The following GRM7 variants were observed in gnomAD, a reference collection of about 807,000 sequenced individuals.
GRM7 encodes glutamate metabotropic receptor 7.
A neutral mutation model predicts 84.5 loss-of-function variants in GRM7; 35 were observed. The ratio of observed to expected loss-of-function variants is 0.41; its 90% CI spans 0.32 to 0.55. GRM7 has a LOEUF of 0.55. Ranked by LOEUF, GRM7 falls within the 20% of genes least tolerant of loss-of-function variation. The pLI is 0.19. For synonymous variants in GRM7, 487 were observed against 455.1 expected, an observed-to-expected ratio of 1.07 and a Z score of -0.89; for missense variants, 1,003 against 1,194.6, an observed-to-expected ratio of 0.84 and a Z score of 2.36.
At chr3:7,571,091 T>G (rs4358287) in intron 7 of GRM7, among the ~76,000 whole-genome samples, 6 of 151,864 alleles carry the variant, frequency 4.0e-5, no homozygotes, top group African/African-American at 1.5e-4. Flanking sequence ...CTGTCCCTGG[T>G]CCATGAAACC....
intron 1 of GRM7, among the ~76,000 whole-genome samples, chr3:6,947,880 T>G (rs889313644): frequency 7.9e-5 from 12 of 152,208 alleles, no homozygotes; most frequent in African/African-American, 2.9e-4. Flanking sequence ...AGTCTGTATT[T>G]CTGTGAGATT....
intron 1 of GRM7, among the ~76,000 whole-genome samples, chr3:6,950,378 G>T (rs1213857823): frequency 1.3e-5 from 2 of 152,136 alleles, no homozygotes; most frequent in African/African-American, 2.4e-5. Context: ...GTGGATATTG[G>T]TGAACTGCAA....
intron 7 of GRM7, among the ~76,000 whole-genome samples, chr3:7,553,563 G>T (rs542119206): frequency 6.6e-6 from 1 of 152,258 alleles, no homozygotes; most frequent in East Asian, 1.9e-4. Flanking sequence ...CAGCATGGCT[G>T]GGGAGGCCTC....
At chr3:7,381,808 G>T (rs1212088591) in intron 4 of GRM7, among the ~76,000 whole-genome samples, 1 of 152,028 alleles carries the variant, frequency 6.6e-6, no homozygotes, top group Admixed American at 6.6e-5. Context: ...CTATCAATGT[G>T]ATCTTAAAGT....
intron 7 of GRM7, among the ~76,000 whole-genome samples, chr3:7,554,686 CA>C (rs1267078615): frequency 2.0e-5 from 3 of 152,134 alleles, no homozygotes; most frequent in Non-Finnish European, 4.4e-5. Flanking sequence ...TCCTGGGCTC[CA>C]TTCAGTCTTT....
chr3:7,537,767 T>C (rs1323473155), intron 7 of GRM7, among the ~76,000 whole-genome samples: 2 of 152,174 alleles, frequency 1.3e-5, no homozygotes, highest in East Asian at 3.9e-4. Context: ...CTGAGTGTTT[T>C]AGTGTAGATT....
intron 1 of GRM7, among the ~76,000 whole-genome samples, chr3:7,068,057 A>G (rs1233660310): frequency 2.0e-5 from 3 of 152,020 alleles, no homozygotes; most frequent in African/African-American, 7.2e-5. Flanking sequence ...CTTCGTGTAT[A>G]AAGATATTCC....
chr3:7,123,704 C>T (rs928980077), intron 1 of GRM7, among the ~76,000 whole-genome samples: 1 of 152,162 alleles, frequency 6.6e-6, no homozygotes, highest in African/African-American at 2.4e-5. Flanking sequence ...CTGCTTACTC[C>T]AATGGGGGCT....
chr3:7,524,672 G>T lies in GRM7; in HGVS notation c.1516-53750G>T, dbSNP rs1406291770. 5.7e-5 allele frequency among the ~76,000 whole-genome samples: 5 copies of T among 86,976 alleles called. 2 individuals carry two copies. Among genetic ancestry groups the T allele is most frequent in the African/African-American group, 1.5e-4 (2 of 13,738 alleles). 57.1% of individuals were successfully genotyped at this position (86,976 alleles called of 152,430 possible). A position where few individuals can be genotyped will look rare whatever the true frequency, so the allele number is the denominator to read the frequency against. ...ACACTTTGACACTGTTGGTGGGACT[G>T]TGAACTAGTTCAACCATTGTGGAAG... On this transcript the variant is annotated intron_variant, in intron 7 of 9. Transcript: ENST00000357716.
intron 2 of GRM7, among the ~76,000 whole-genome samples, chr3:7,283,327 A>G (rs1191876651): frequency 6.6e-6 from 1 of 152,132 alleles, no homozygotes; most frequent in East Asian, 1.9e-4. Flanking sequence ...TTTAAGTTAG[A>G]TAATGCGTAT....
chr3:7,071,142 G>T (rs1050896137), intron 1 of GRM7, among the ~76,000 whole-genome samples: 1 of 151,982 alleles, frequency 6.6e-6, no homozygotes, highest in Admixed American at 6.6e-5. Flanking sequence ...ATCAGGGGAT[G>T]GTGGCTTTCT....
At chr3:7,470,905 A>G (rs1333229020) in intron 7 of GRM7, among the ~76,000 whole-genome samples, 1 of 151,976 alleles carries the variant, frequency 6.6e-6, no homozygotes, top group Non-Finnish European at 1.5e-5. Context: ...TCAAATGAAA[A>G]TACAGGAAGT....
intron 7 of GRM7, among the ~76,000 whole-genome samples, chr3:7,554,129 T>A (rs1693636194): frequency 6.6e-6 from 1 of 152,194 alleles, no homozygotes. Context: ...GAAACATAAT[T>A]TGGTCCTGCA....
At chr3:7,047,606 T>G (rs990575959) in intron 1 of GRM7, among the ~76,000 whole-genome samples, 1 of 152,078 alleles carries the variant, frequency 6.6e-6, no homozygotes, top group African/African-American at 2.4e-5. Context: ...AATGGATAAG[T>G]GGTCCCTATT....
At chr3:7,437,189 A>G (rs1250910443) in intron 5 of GRM7, among the ~76,000 whole-genome samples, 1 of 152,164 alleles carries the variant, frequency 6.6e-6, no homozygotes, top group African/African-American at 2.4e-5. Flanking sequence ...TTTATTTCCT[A>G]TTTTTAAAAG....
At chr3:7,610,862 T>G (rs1696818855) in intron 8 of GRM7, among the ~76,000 whole-genome samples, 1 of 152,188 alleles carries the variant, frequency 6.6e-6, no homozygotes, top group Admixed American at 6.5e-5. Flanking sequence ...CAGGATGTGG[T>G]TAGCGAAAAC....
intron 1 of GRM7, among the ~76,000 whole-genome samples, chr3:7,120,316 A>G (rs886692800): frequency 1.3e-5 from 2 of 152,112 alleles, no homozygotes; most frequent in Non-Finnish European, 2.9e-5. Context: ...ACTAGATGTA[A>G]TTGTGAAACT....
chr3:7,610,015 T>C (rs1696774651), intron 8 of GRM7, among the ~76,000 whole-genome samples: 1 of 152,176 alleles, frequency 6.6e-6, no homozygotes, highest in African/African-American at 2.4e-5. Flanking sequence ...CAGACTTGAG[T>C]GCCTTCCTAT....
chr3:7,152,668 C>G (rs971557540), intron 2 of GRM7, among the ~76,000 whole-genome samples: 4 of 152,184 alleles, frequency 2.6e-5, no homozygotes, highest in African/African-American at 9.6e-5. Flanking sequence ...GGAGAAAGCT[C>G]TCTCTTACTC....
Sources: allele counts gnomAD v4.1 joint callset (sites outside exome capture counted in the v4.1 genomes callset), GRCh38; gene constraint gnomAD v4.1.1; transcripts MANE v1.5; gene names NCBI Gene and HGNC (gene_info 2026-07-23, HGNC 2026-07-21).